Variants in ZMAT2 observed in about 807,000 individuals in gnomAD.
ZMAT2 encodes zinc finger matrin-type protein 2.
Under a neutral mutation model 27.5 loss-of-function variants are expected in ZMAT2, and 5 were observed. The observed-to-expected ratio is 0.18, with a 90% CI of 0.10 to 0.38. The LOEUF is 0.38. Ranked by LOEUF, ZMAT2 falls within the 10% of genes least tolerant of loss-of-function variation. ZMAT2 has a pLI of 1.00. For missense variants in ZMAT2, 124 were observed against 243.9 expected (o/e 0.51, Z 3.27); for synonymous variants, 76 against 78.6 (o/e 0.97, Z 0.17).
chr5:140,702,026 A>G lies in ZMAT2; in HGVS notation c.133A>G (p.Lys45Glu), dbSNP rs776007008. 1 of 1,612,120 alleles carries G rather than the reference A, an allele frequency of 6.2e-7. No homozygotes were observed. The highest frequency in any genetic ancestry group is 8.5e-7 in the Non-Finnish European group (1 of 1,179,094). Residue 45 changes from lysine (K) to glutamate (E), a missense_variant, in exon 3 of 6, where the codon AAG (lysine) becomes GAG (glutamate). Physicochemically the swap from Lys to Glu is moderately conservative, Grantham distance 56. This residue lies in a region of ZMAT2 where 34 missense variants were observed against 50.8 expected (regional missense o/e 0.67). Coordinates refer to ENST00000274712, the MANE Select transcript of ZMAT2 (RefSeq NM_144723.3). ...KKDGKPVQPV[K>E]RELLRHRDYK... ...TTCAGGAAAACCAGTGCAGCCTGTC[A>G]AGCGAGAGCTTTTACGGCATAGGGA...
Position 140,705,772 on chromosome 5 carries a change from G to C in ZMAT2, c.*16G>C. 3.7e-6 allele frequency: 6 copies of C among 1,612,692 alleles called. No individual in the cohort carries two copies. Among genetic ancestry groups the C allele is most frequent in the Non-Finnish European group, 5.1e-6 (6 of 1,179,444 alleles). On this transcript the variant is annotated 3_prime_UTR_variant, in exon 6 of 6. Coordinates refer to ENST00000274712, the MANE Select transcript of ZMAT2 (RefSeq NM_144723.3). ...GAGTTACTGAGGCTTTCTGTGCTTG[G>C]CCTGACTTTGGCCTATGCTGGACCT...
intron 5 of ZMAT2, among the ~76,000 whole-genome samples, chr5:140,705,341 G>A (rs1346720068): frequency 6.7e-6 from 1 of 148,504 alleles, no homozygotes; most frequent in African/African-American, 2.5e-5. Flanking sequence ...TTAACTGCAA[G>A]AGGAATTAAC....
Position 140,700,832 on chromosome 5 carries a change from A to T in ZMAT2, c.32A>T (p.Asp11Val). The T allele has an allele frequency of 6.2e-7, 1 of 1,613,972 alleles. No homozygotes were observed. The highest frequency in any genetic ancestry group is 8.5e-7 in the Non-Finnish European group (1 of 1,179,908). MASGSGTKNLDFRRKWDKDEY... is the reference protein window; with the variant it reads MASGSGTKNLVFRRKWDKDEY... ...TCCTCCCCACAGACAAAAAACTTGGACTTTCGCCGAAAGTGGGACAAAGAT... is the reference window on the plus strand; with the variant it reads ...TCCTCCCCACAGACAAAAAACTTGGTCTTTCGCCGAAAGTGGGACAAAGAT... The change falls in exon 2 of 6, where the codon GAC becomes GTC. Residue 11 changes from aspartate to valine, a missense_variant. Asp to Val is a radical substitution (Grantham distance 152). This residue lies in a region of ZMAT2 where 24 missense variants were observed against 24.1 expected (regional missense o/e 0.99). Transcript: ENST00000274712.
chr5:140,706,647 T>C lies in ZMAT2; in HGVS notation c.*891T>C, dbSNP rs1049251552. The C allele has an allele frequency of 1.3e-5, 2 of 152,682 alleles. No homozygotes were observed. The highest frequency in any genetic ancestry group is 1.3e-4 in the Admixed American group (2 of 15,284). The allele number at this position is 152,682 out of a possible 1,614,324, so 9.5% of individuals were successfully genotyped here. A position where few individuals can be genotyped will look rare whatever the true frequency, so the allele number is the denominator to read the frequency against. ...GTTTGACATGTATAATAAATGGCAT[T>C]GACTGGGCCTGTTTTACATTTGGTG... is the stretch of plus-strand genomic sequence containing the variant. On this transcript the variant is annotated 3_prime_UTR_variant, in exon 6 of 6. Coordinates refer to ENST00000274712, the MANE Select transcript of ZMAT2 (RefSeq NM_144723.3).
At chr5:140,700,650 GGA>G (rs774679772) in intron 1 of ZMAT2, among the ~76,000 whole-genome samples, 167 bp from the exon 2 acceptor site, 14 of 152,140 alleles carry the variant, frequency 9.2e-5, no homozygotes, top group African/African-American at 3.1e-4. Flanking sequence ...GTAGAATCGC[GGA>G]GGTTTCTCGG....
rs367886985 is a variant in ZMAT2 at position 140,703,430 on chromosome 5, C to G, written c.237-488C>G. Among the ~76,000 whole-genome samples, 10 of 151,952 alleles carry G rather than the reference C, an allele frequency of 6.6e-5. No individual in the cohort carries two copies. The East Asian group carries it at 1.9e-3, about 29-fold the overall frequency. The stretch of plus-strand genomic sequence containing the variant: ...TGTATTTTTAGTAGAGACGGGGTTT[C>G]TCCGTGTTGGTCAGGCTAGTCTCGA... On this transcript the variant is annotated intron_variant, in intron 3 of 5. Coordinates refer to ENST00000274712, the MANE Select transcript of ZMAT2 (RefSeq NM_144723.3).
In ZMAT2 at chr5:140,704,648, C is replaced by A. The variant is rs1760022148; in HGVS notation, c.456+77C>A. 7.4e-6 allele frequency: 11 copies of A among 1,485,030 alleles called. No individual in the cohort carries two copies. In the South Asian group the frequency reaches 1.4e-4, roughly 19 times the overall value. The allele number at this position is 1,485,030 out of a possible 1,614,324, so 92.0% of individuals were successfully genotyped here. A position where few individuals can be genotyped will look rare whatever the true frequency, so the allele number is the denominator to read the frequency against. On this transcript the variant is annotated intron_variant, in intron 5 of 5. Transcript: ENST00000274712. ...GAATCATGGGAGACCCTGTCCTCAT[C>A]CCACTCCTACTCCCACCCCCAGAGT...
chr5:140,702,317 G>A (rs801166), intron 3 of ZMAT2, among the ~76,000 whole-genome samples, 188 bp downstream of exon 3: 30,680 of 152,098 alleles, frequency 0.2, 3,134 homozygotes, highest in Non-Finnish European at 0.21. Context: ...GTCTCTAGGA[G>A]TGGTCACTCA....
chr5:140,705,709 G>T lies in ZMAT2; in HGVS notation c.553G>T (p.Ala185Ser). The change falls in exon 6 of 6, where the codon GCT becomes TCT. Residue 185 changes from alanine to serine, a missense_variant. Ala to Ser is a moderately conservative substitution (Grantham distance 99). Transcript: ENST00000274712. ...LTFEEDDEMA[A>S]VMGFSGFGST... ...ATTTGAGGAGGACGATGAGATGGCA[G>T]CTGTGATGGGCTTCTCTGGCTTTGG... The T allele has an allele frequency of 6.2e-7, 1 of 1,614,174 alleles. No individual in the cohort carries two copies. Among genetic ancestry groups the T allele is most frequent in the Non-Finnish European group, 8.5e-7 (1 of 1,180,014 alleles).
At position 140,706,181 on chromosome 5, in the gene ZMAT2, G is replaced by T. The variant is rs150778676; in HGVS notation, c.*425G>T. On this transcript the variant is annotated 3_prime_UTR_variant, in exon 6 of 6. Transcript: ENST00000274712. ...CAACAGAAGCATTCTCTAGGTCCCA[G>T]TTTCCAGTTGATTGCATATCCTTGA... The T allele has an allele frequency of 6.1e-6, 1 of 163,468 alleles. No homozygotes were observed. Among genetic ancestry groups the T allele is most frequent in the Non-Finnish European group, 1.3e-5 (1 of 74,414 alleles). The allele number at this position is 163,468 out of a possible 1,614,324, so 10.1% of individuals were successfully genotyped here.
At chr5:140,705,194 T>A (rs1046999232) in intron 5 of ZMAT2, among the ~76,000 whole-genome samples, 3 of 152,228 alleles carry the variant, frequency 2.0e-5, no homozygotes, top group Non-Finnish European at 4.4e-5. Context: ...ATTCTTTGAT[T>A]TAATTTTTTT....
At chr5:140,704,657 A>G (rs1250661093) in intron 5 of ZMAT2, 86 bp downstream of exon 5, 7 of 1,418,126 alleles carry the variant, frequency 4.9e-6, no homozygotes, top group East Asian at 4.7e-5. Context: ...TCCCACTCCT[A>G]CTCCCACCCC....
chr5:140,702,655 A>C (rs1759982977), intron 3 of ZMAT2, among the ~76,000 whole-genome samples: 1 of 152,228 alleles, frequency 6.6e-6, no homozygotes, highest in Non-Finnish European at 1.5e-5. Flanking sequence ...GGAGATTTCT[A>C]GGAGAGAAAT....
In ZMAT2 at chr5:140,700,490, G is replaced by A. The variant is rs376471194; in HGVS notation, c.18+12G>A. 1.4e-5 allele frequency: 22 copies of A among 1,612,950 alleles called. No homozygotes were observed. In the African/African-American group the frequency reaches 1.6e-4, roughly 12 times the overall value. On this transcript the variant is annotated intron_variant, in intron 1 of 5. Coordinates refer to ENST00000274712, the MANE Select transcript of ZMAT2 (RefSeq NM_144723.3). The stretch of plus-strand genomic sequence containing the variant: ...CGTCGGGCAGCGGGGTAGGTGTTGT[G>A]TCTGAGGAGGAGGTTTTGCGGGGTG...
At chr5:140,704,073 C>A (rs1478762881) in intron 4 of ZMAT2, 82 bp downstream of exon 4, 1 of 1,259,854 alleles carries the variant, frequency 7.9e-7, no homozygotes, top group Non-Finnish European at 1.1e-6. Context: ...CTTTTTTTTT[C>A]TTCTTTTTAC....
intron 5 of ZMAT2, among the ~76,000 whole-genome samples, chr5:140,704,818 T>A (rs1435719304): frequency 3.4e-5 from 5 of 148,362 alleles, no homozygotes; most frequent in Non-Finnish European, 6.0e-5. Context: ...TAAAAAAAAA[T>A]TTTTTTTTTT....
chr5:140,704,160 T>C (rs768671778), intron 4 of ZMAT2, among the ~76,000 whole-genome samples, 169 bp downstream of exon 4: 5 of 152,094 alleles, frequency 3.3e-5, no homozygotes, highest in Non-Finnish European at 7.4e-5. Context: ...AACTCTCCAG[T>C]TGTTTCAGCA....
chr5:140,703,155 T>C (rs192949964), intron 3 of ZMAT2, among the ~76,000 whole-genome samples: 2 of 152,270 alleles, frequency 1.3e-5, no homozygotes, highest in East Asian at 1.9e-4. Context: ...GAAGATCTGC[T>C]TCCAAGCTCT....
chr5:140,706,284 T>A lies in ZMAT2; in HGVS notation c.*528T>A, dbSNP rs1353097042. On this transcript the variant is annotated 3_prime_UTR_variant, in exon 6 of 6. Transcript: ENST00000274712. ...TGTGTATTTCTGCCTGGTTCTATGGTGTGTGGATGTGTGTGCATGAATCTG... is the reference window on the plus strand; with the variant it reads ...TGTGTATTTCTGCCTGGTTCTATGGAGTGTGGATGTGTGTGCATGAATCTG... The A allele has an allele frequency of 6.5e-6, 1 of 153,890 alleles. No homozygotes were observed. The highest frequency in any genetic ancestry group is 2.4e-5 in the African/African-American group (1 of 41,402). 9.5% of individuals were successfully genotyped at this position (153,890 alleles called of 1,614,324 possible).
Sources: gnomAD v4.1 joint callset for allele counts (sites outside exome capture counted in the v4.1 genomes callset) on GRCh38, gnomAD v4.1.1 for gene constraint, gnomAD v4.1.1 regional missense constraint, MANE v1.5 for transcripts, NCBI Gene and HGNC (gene_info 2026-07-23, HGNC 2026-07-21) for gene names.